GRM7: variants seen among roughly 807,000 people sequenced by gnomAD.
The protein encoded by GRM7 is glutamate metabotropic receptor 7.
In GRM7, 35 loss-of-function variants were observed where a neutral mutation model predicts 84.5. The observed-to-expected ratio is 0.41, with a 90% CI of 0.32 to 0.55. The LOEUF (loss-of-function observed/expected upper bound fraction) is 0.55, where lower values mean the gene tolerates loss of function less well. Ranked by LOEUF, GRM7 falls within the 20% of genes least tolerant of loss-of-function variation. The pLI is 0.19. For missense variants in GRM7, 1,003 were observed against 1,194.6 expected, an observed-to-expected ratio of 0.84 and a Z score of 2.36; for synonymous variants, 487 against 455.1, an observed-to-expected ratio of 1.07 and a Z score of -0.89.
At chr3:7,283,357 C>G (rs543698243) in intron 2 of GRM7, among the ~76,000 whole-genome samples, 1 of 152,094 alleles carries the variant, frequency 6.6e-6, no homozygotes, top group African/African-American at 2.4e-5. Flanking sequence ...GATGCAAAGC[C>G]TGGCATGCTA....
Position 7,635,102 on chromosome 3 carries a change from G to A in GRM7, c.2452-44947G>A, listed in dbSNP as rs528595415. Among the ~76,000 whole-genome samples the A allele has an allele frequency of 8.7e-4, 133 of 152,266 alleles. 1 individual carries two copies. Among genetic ancestry groups the A allele is most frequent in the South Asian group, 1.5e-3 (7 of 4,814 alleles). On this transcript the variant is annotated intron_variant, in intron 8 of 9. Coordinates refer to ENST00000357716, the MANE Select transcript of GRM7 (RefSeq NM_000844.4). ...TGAGCACTTGAAGTGAGATTGGTGG[G>A]GCTGAAGAATGAGGTACTTAATTTT...
At chr3:7,570,478 G>A (rs762346111) in intron 7 of GRM7, among the ~76,000 whole-genome samples, 1 of 152,194 alleles carries the variant, frequency 6.6e-6, no homozygotes, top group Non-Finnish European at 1.5e-5. Context: ...AAATCCAGCA[G>A]GGCAGTCAAA....
intron 9 of GRM7, among the ~76,000 whole-genome samples, chr3:7,686,842 G>T (rs1232339963): frequency 6.6e-6 from 1 of 152,148 alleles, no homozygotes; most frequent in Non-Finnish European, 1.5e-5. Flanking sequence ...AGAGAAGGGG[G>T]ATGCTTAGTA....
rs1694744469 is a variant in GRM7 at position 6,861,291 on chromosome 3, G to A, written c.-98G>A. On this transcript the variant is annotated 5_prime_UTR_variant, in exon 1 of 10. Transcript: ENST00000357716. This position sits in a 1 kb window ranked among gnomAD's most constrained non-coding sequence, Gnocchi z 6.4. ...CCTCCGTGCCTGCAGGAGCCCCTGG[G>A]CTTTCCCGGAGGAGCTCGCCCTGAA... The A allele has an allele frequency of 1.1e-5, 12 of 1,121,060 alleles. No homozygotes were observed. The highest frequency in any genetic ancestry group is 3.3e-5 in the African/African-American group (2 of 60,758). The allele number at this position is 1,121,060 out of a possible 1,614,324, so 69.4% of individuals were successfully genotyped here. A position where few individuals can be genotyped will look rare whatever the true frequency, so the allele number is the denominator to read the frequency against.
At chr3:7,268,171 A>G (rs1210480091) in intron 2 of GRM7, among the ~76,000 whole-genome samples, 1 of 152,198 alleles carries the variant, frequency 6.6e-6, no homozygotes, top group East Asian at 1.9e-4. Flanking sequence ...TTATTAATAA[A>G]GGAATCAGAT....
chr3:7,136,712 C>A (rs765656582), intron 1 of GRM7, among the ~76,000 whole-genome samples: 3 of 152,030 alleles, frequency 2.0e-5, no homozygotes, highest in African/African-American at 4.8e-5. Context: ...TAGCTTATTC[C>A]ATTTTATCCA....
At chr3:7,323,697 G>T (rs555014354) in intron 4 of GRM7, among the ~76,000 whole-genome samples, 1 of 152,086 alleles carries the variant, frequency 6.6e-6, no homozygotes, top group African/African-American at 2.4e-5. Flanking sequence ...GCCACATAAC[G>T]TGTCATGGTT....
At position 7,672,714 on chromosome 3, in the gene GRM7, C is replaced by T. The variant is rs374319231; in HGVS notation, c.2452-7335C>T. Among the ~76,000 whole-genome samples the T allele has an allele frequency of 1.6e-3, 239 of 151,176 alleles. 7 individuals are homozygous for T. The South Asian group carries it at 0.048, about 30-fold the overall frequency. ...CCGCCTCCTGGGTTCATGCCATTCT[C>T]CTGCCTCAGCCTCCCAAGTAGCTGG... On this transcript the variant is annotated intron_variant, in intron 8 of 9. Transcript: ENST00000357716.
At chr3:7,370,679 C>A (rs1184012859) in intron 4 of GRM7, among the ~76,000 whole-genome samples, 11 of 148,284 alleles carry the variant, frequency 7.4e-5, no homozygotes, top group East Asian at 2.2e-4. Flanking sequence ...AGAATAATGT[C>A]TAAAAAATAT....
intron 2 of GRM7, among the ~76,000 whole-genome samples, chr3:7,148,173 A>G (rs1220063661): frequency 6.6e-6 from 1 of 152,186 alleles, no homozygotes; most frequent in Non-Finnish European, 1.5e-5. Flanking sequence ...AAATCCCCAA[A>G]GAGGTATCTA....
chr3:7,372,949 C>T (rs1694200351), intron 4 of GRM7, among the ~76,000 whole-genome samples: 1 of 151,864 alleles, frequency 6.6e-6, no homozygotes. Flanking sequence ...AACGAGAAAC[C>T]TCATGTAATA....
At chr3:7,255,760 G>A (rs1698171647) in intron 2 of GRM7, among the ~76,000 whole-genome samples, 1 of 152,122 alleles carries the variant, frequency 6.6e-6, no homozygotes, top group African/African-American at 2.4e-5. Context: ...CCTTATAATT[G>A]ACACGAATTC....
intron 2 of GRM7, among the ~76,000 whole-genome samples, chr3:7,284,105 T>C (rs779261236): frequency 6.6e-6 from 1 of 152,210 alleles, no homozygotes; most frequent in East Asian, 1.9e-4. Context: ...TAAATTGTGA[T>C]AGAAAAATAA....
intron 9 of GRM7, among the ~76,000 whole-genome samples, chr3:7,737,216 C>T (rs1357424361): frequency 6.6e-6 from 1 of 152,090 alleles, no homozygotes; most frequent in African/African-American, 2.4e-5. Context: ...GAATATCTTA[C>T]CTTTCTTAAG....
At chr3:7,462,834 A>T (rs1047409193) in intron 7 of GRM7, among the ~76,000 whole-genome samples, 1 of 152,152 alleles carries the variant, frequency 6.6e-6, no homozygotes, top group Non-Finnish European at 1.5e-5. Flanking sequence ...ATGCTCTGGC[A>T]TTTGGGAATG....
chr3:6,932,898 G>T (rs1314558214), intron 1 of GRM7, among the ~76,000 whole-genome samples: 1 of 136,072 alleles, frequency 7.3e-6, no homozygotes, highest in Non-Finnish European at 1.7e-5. Context: ...GGGATCACAG[G>T]CACCTACCAC....
chr3:7,415,232 A>T, intron 5 of GRM7, 69 bp downstream of exon 5: 6 of 1,311,796 alleles, frequency 4.6e-6, no homozygotes, highest in Non-Finnish European at 5.4e-6. Context: ...TGCATAGCTG[A>T]CAGAAGGAAG....
chr3:7,209,574 C>G (rs546589968), intron 2 of GRM7, among the ~76,000 whole-genome samples: 1 of 152,230 alleles, frequency 6.6e-6, no homozygotes, highest in East Asian at 1.9e-4. Flanking sequence ...ATGTTAAGAG[C>G]CAGGTAGAGA....
At chr3:7,695,228 T>G (rs1700972246) in intron 9 of GRM7, among the ~76,000 whole-genome samples, 1 of 152,168 alleles carries the variant, frequency 6.6e-6, no homozygotes, top group Non-Finnish European at 1.5e-5. Flanking sequence ...TGAAGTTAAT[T>G]GCTGAGCTCT....
Sources: gnomAD v4.1 joint callset for allele counts (sites outside exome capture counted in the v4.1 genomes callset) on GRCh38, gnomAD v4.1.1 for gene constraint, Gnocchi (gnomAD v3.1) non-coding constraint, MANE v1.5 for transcripts, NCBI Gene and HGNC (gene_info 2026-07-23, HGNC 2026-07-21) for gene names.